The following FOXP2 variants were observed in gnomAD, a reference collection of about 807,000 sequenced individuals.
The protein encoded by FOXP2 is forkhead box protein P2.
A neutral mutation model predicts 115.8 loss-of-function variants in FOXP2; 12 were observed. The observed-to-expected ratio is 0.10, with a 90% CI of 0.07 to 0.17. FOXP2 has a LOEUF of 0.17. Ranked by LOEUF, FOXP2 falls within the 10% of genes least tolerant of loss-of-function variation. The pLI, the probability that FOXP2 is intolerant of heterozygous loss-of-function variation, is 1.00. For missense variants in FOXP2, 629 were observed against 843.5 expected (o/e 0.75, Z 3.15); for synonymous variants, 328 against 297.7 (o/e 1.10, Z -1.05).
At chr7:114,519,698 A>G (rs1798517766) in intron 2 of FOXP2, among the ~76,000 whole-genome samples, 1 of 152,176 alleles carries the variant, frequency 6.6e-6, no homozygotes. Context: ...TTCTGCAATC[A>G]TAAGAAGCCT....
intron 2 of FOXP2, among the ~76,000 whole-genome samples, chr7:114,304,177 TA>T: frequency 6.6e-6 from 1 of 152,194 alleles, no homozygotes; most frequent in East Asian, 1.9e-4. Context: ...GCAAACAAAA[TA>T]AACACTCTAG....
chr7:114,474,976 A>C (rs1358575108), intron 2 of FOXP2, among the ~76,000 whole-genome samples: 1 of 152,018 alleles, frequency 6.6e-6, no homozygotes, highest in South Asian at 2.1e-4. Context: ...GACAAACTTG[A>C]AAGTAAAAGA....
At chr7:114,444,889 G>T (rs1794764345) in intron 2 of FOXP2, among the ~76,000 whole-genome samples, 2 of 152,068 alleles carry the variant, frequency 1.3e-5, no homozygotes, top group South Asian at 4.1e-4. Context: ...ACCAAGCTAG[G>T]GGTAACTTTT....
intron 3 of FOXP2, among the ~76,000 whole-genome samples, chr7:114,562,925 A>G (rs1800823860): frequency 1.3e-5 from 2 of 152,276 alleles, no homozygotes; most frequent in South Asian, 4.1e-4. Context: ...GAGACTGGGT[A>G]ACTTACAAAG....
intron 2 of FOXP2, among the ~76,000 whole-genome samples, chr7:114,379,670 A>C (rs1468294807): frequency 2.0e-5 from 3 of 152,130 alleles, no homozygotes; most frequent in African/African-American, 7.2e-5. Flanking sequence ...TCAATTCTGG[A>C]AGAGACAAAC....
At chr7:114,112,052 A>ATT in intron 1 of FOXP2, among the ~76,000 whole-genome samples, 1 of 152,110 alleles carries the variant, frequency 6.6e-6, no homozygotes. Context: ...CAGCAGTACT[A>ATT]AAACCACTGC....
intron 16 of FOXP2, among the ~76,000 whole-genome samples, chr7:114,686,559 A>G (rs574812498): frequency 6.6e-6 from 1 of 152,324 alleles, no homozygotes; most frequent in Non-Finnish European, 1.5e-5. Context: ...AGCACATTCT[A>G]ATATCCAGTT....
chr7:114,162,389 A>G (rs150417984), upstream of FOXP2, among the ~76,000 whole-genome samples: 661 of 152,238 alleles, frequency 4.3e-3, 8 homozygotes, highest in African/African-American at 0.014. Context: ...CAACCTTTGT[A>G]CCATTAAAAA....
chr7:114,533,337 G>C (rs143614590), intron 2 of FOXP2, among the ~76,000 whole-genome samples: 1 of 151,782 alleles, frequency 6.6e-6, no homozygotes, highest in African/African-American at 2.4e-5. Context: ...AATTGATCAG[G>C]GGATGACTGC....
chr7:114,211,779 A>C (rs569959772), intron 1 of FOXP2, among the ~76,000 whole-genome samples: 122 of 152,322 alleles, frequency 8.0e-4, no homozygotes, highest in Non-Finnish European at 1.2e-3. Context: ...CTTTAAAAAT[A>C]TAATTTGTTT....
intron 16 of FOXP2, among the ~76,000 whole-genome samples, chr7:114,683,667 T>C (rs1390150314): frequency 6.6e-6 from 1 of 152,140 alleles, no homozygotes; most frequent in Non-Finnish European, 1.5e-5. Context: ...AGACAGGATG[T>C]GTGTGAATAG....
chr7:114,490,830 TGA>T (rs1378858362), intron 2 of FOXP2, among the ~76,000 whole-genome samples: 1 of 152,212 alleles, frequency 6.6e-6, no homozygotes, highest in African/African-American at 2.4e-5. Flanking sequence ...ACAAAGGACA[TGA>T]ACTCATCATT....
intron 2 of FOXP2, among the ~76,000 whole-genome samples, chr7:114,394,939 T>G (rs1204110338): frequency 6.6e-6 from 1 of 152,198 alleles, no homozygotes; most frequent in African/African-American, 2.4e-5. Flanking sequence ...GAGCATTAGA[T>G]CGTGTGAATA....
intron 3 of FOXP2, among the ~76,000 whole-genome samples, chr7:114,578,520 G>T (rs1323036361): frequency 6.6e-6 from 1 of 151,994 alleles, no homozygotes; most frequent in East Asian, 1.9e-4. Flanking sequence ...AGCTACTGAT[G>T]ATCTGACAGT....
chr7:114,607,680 T>A (rs1803402769), intron 3 of FOXP2, among the ~76,000 whole-genome samples: 1 of 152,106 alleles, frequency 6.6e-6, no homozygotes, highest in East Asian at 1.9e-4. Context: ...TATGAAATAA[T>A]AATAGGGAGA....
intron 2 of FOXP2, among the ~76,000 whole-genome samples, chr7:114,518,584 C>G (rs1355904997): frequency 6.6e-6 from 1 of 151,842 alleles, no homozygotes; most frequent in Non-Finnish European, 1.5e-5. Context: ...CTCACTTTAA[C>G]CTCTACCTCC....
chr7:114,272,097 C>T (rs772549816), intron 1 of FOXP2, among the ~76,000 whole-genome samples: 1 of 143,888 alleles, frequency 6.9e-6, no homozygotes. Flanking sequence ...ATATTTAAAT[C>T]ATGAATGGAT....
intron 1 of FOXP2, among the ~76,000 whole-genome samples, chr7:114,287,428 G>A (rs1249622893): frequency 1.3e-5 from 2 of 151,920 alleles, no homozygotes; most frequent in South Asian, 2.1e-4. Flanking sequence ...GTCTAAGAAA[G>A]GTGTGAGCTA....
At chr7:114,354,530 G>T (rs1416501059) in intron 2 of FOXP2, among the ~76,000 whole-genome samples, 2 of 152,048 alleles carry the variant, frequency 1.3e-5, no homozygotes, top group African/African-American at 2.4e-5. Context: ...TGAATGAAGA[G>T]GTACTTTCTC....
Sources: allele counts gnomAD v4.1 joint callset (sites outside exome capture counted in the v4.1 genomes callset), GRCh38; gene constraint gnomAD v4.1.1; transcripts MANE v1.5; gene names NCBI Gene and HGNC (gene_info 2026-07-23, HGNC 2026-07-21).